Variants in GPATCH8 observed in about 807,000 individuals in gnomAD.
GPATCH8 encodes G patch domain-containing protein 8.
A neutral mutation model predicts 118.3 loss-of-function variants in GPATCH8; 18 were observed. The ratio of observed to expected loss-of-function variants is 0.15; its 90% CI spans 0.11 to 0.23. GPATCH8 has a LOEUF of 0.23. GPATCH8 is among the 10% of genes least tolerant of loss of function. The pLI is 1.00. For synonymous variants in GPATCH8, 659 were observed against 684.7 expected (o/e 0.96, Z 0.59); for missense variants, 1,631 against 1,873.8 (o/e 0.87, Z 2.39).
intron 1 of GPATCH8, among the ~76,000 whole-genome samples, chr17:44,485,178 T>C (rs2144434834): frequency 6.6e-6 from 1 of 151,650 alleles, no homozygotes; most frequent in Non-Finnish European, 1.5e-5. Flanking sequence ...TGACACAATC[T>C]TGGCTCACCG....
chr17:44,461,009 T>C (rs1315773319), intron 3 of GPATCH8, among the ~76,000 whole-genome samples: 2 of 152,164 alleles, frequency 1.3e-5, no homozygotes, highest in East Asian at 1.9e-4. Flanking sequence ...TTCTTAATGT[T>C]GGAAACAGAA....
At chr17:44,479,965 C>CAA (rs200988896) in intron 1 of GPATCH8, among the ~76,000 whole-genome samples, 2 of 135,128 alleles carry the variant, frequency 1.5e-5, no homozygotes, top group African/African-American at 2.9e-5. Flanking sequence ...GACTCCGTCT[C>CAA]AAAAAAAAAA....
intron 7 of GPATCH8, among the ~76,000 whole-genome samples, chr17:44,403,779 T>C (rs1026404871): frequency 6.6e-6 from 1 of 151,912 alleles, no homozygotes; most frequent in Non-Finnish European, 1.5e-5. Flanking sequence ...CTGCAACCTC[T>C]GCCTCCTGGG....
chr17:44,461,775 C>T (rs2051560305), intron 3 of GPATCH8, among the ~76,000 whole-genome samples: 1 of 151,970 alleles, frequency 6.6e-6, no homozygotes, highest in African/African-American at 2.4e-5. Context: ...GTCACTGCAG[C>T]CTCAACCTTC....
chr17:44,436,989 A>ATT (rs1375033784), intron 3 of GPATCH8, among the ~76,000 whole-genome samples: 1 of 152,192 alleles, frequency 6.6e-6, no homozygotes, highest in African/African-American at 2.4e-5. Context: ...GAAAAAGTAC[A>ATT]TTTTTAAACA....
intron 5 of GPATCH8, among the ~76,000 whole-genome samples, chr17:44,429,690 C>CACACACACACACACAA (rs2050229773): frequency 1.3e-5 from 1 of 75,150 alleles, no homozygotes; most frequent in Non-Finnish European, 3.6e-5. Context: ...ACACACAAAA[C>CACACACACACACACAA]AACAAACAAA....
intron 6 of GPATCH8, among the ~76,000 whole-genome samples, chr17:44,406,887 T>C (rs1008086768): frequency 2.6e-5 from 4 of 152,230 alleles, no homozygotes; most frequent in African/African-American, 9.6e-5. Context: ...AACAGTGTTA[T>C]GACACACTGG....
intron 1 of GPATCH8, among the ~76,000 whole-genome samples, chr17:44,481,590 G>A (rs563582197): frequency 6.6e-6 from 1 of 152,270 alleles, no homozygotes; most frequent in Non-Finnish European, 1.5e-5. Flanking sequence ...GATGCGTTTT[G>A]TCAATACTCA....
intron 1 of GPATCH8, 68 bp from the exon 2 acceptor site, chr17:44,474,971 AAACT>A (rs1482645035): frequency 3.9e-6 from 3 of 771,848 alleles, no homozygotes; most frequent in Non-Finnish European, 7.0e-6. Context: ...CAGCTTAACC[AAACT>A]AAGGATTATT....
At chr17:44,422,374 G>C (rs554262536) in intron 6 of GPATCH8, among the ~76,000 whole-genome samples, 204 of 151,988 alleles carry the variant, frequency 1.3e-3, no homozygotes, top group African/African-American at 4.5e-3. Context: ...AGCTTAGATT[G>C]GGGGGCAGGT....
chr17:44,436,607 A>G (rs2050523363), intron 3 of GPATCH8, 62 bp from the exon 4 acceptor site: 1 of 847,756 alleles, frequency 1.2e-6, no homozygotes, highest in South Asian at 1.3e-5. Context: ...CATTTTACAC[A>G]TTGGGTTTTG....
intron 2 of GPATCH8, chr17:44,465,081 A>T (rs2051708688): frequency 7.9e-6 from 1 of 126,856 alleles, no homozygotes; most frequent in African/African-American, 3.0e-5. Context: ...GCTAGACTTG[A>T]TTGGTTTAAA....
At chr17:44,500,479 T>C (rs1969975197) in intron 1 of GPATCH8, among the ~76,000 whole-genome samples, 1 of 152,210 alleles carries the variant, frequency 6.6e-6, no homozygotes, top group Admixed American at 6.5e-5. Flanking sequence ...CATACCACTG[T>C]TAACTATAAC....
intron 6 of GPATCH8, among the ~76,000 whole-genome samples, chr17:44,407,678 A>C (rs1281612606): frequency 7.4e-6 from 1 of 134,242 alleles, no homozygotes; most frequent in East Asian, 2.2e-4. Context: ...TTTTTTTGAG[A>C]TGGAGTCTCA....
At position 44,397,644 on chromosome 17, in the gene GPATCH8, G is replaced by A; in HGVS notation, c.4433C>T (p.Ala1478Val). 6.2e-7 allele frequency: 1 copy of A among 1,613,702 alleles called. No homozygotes were observed. The highest frequency in any genetic ancestry group is 8.5e-7 in the Non-Finnish European group (1 of 1,179,668). Residue 1478 changes from alanine (A) to valine (V), a missense_variant, in exon 8 of 8, where the codon GCA (alanine) becomes GTA (valine). Physicochemically the swap from Ala to Val is moderately conservative, Grantham distance 64. Transcript: ENST00000591680. The stretch of plus-strand genomic sequence containing the variant: ...GTGAAGTAGTGGGTGAAGGTGAAGT[G>A]CAGTGGCAGCTGCTGCAGCAGGCCG... Reference protein sequence around the residue: ...APRPAAAAATALHLHPLLHPI... With the variant: ...APRPAAAAATVLHLHPLLHPI...
chr17:44,449,471 G>A (rs941489253), intron 3 of GPATCH8, among the ~76,000 whole-genome samples: 2 of 151,310 alleles, frequency 1.3e-5, no homozygotes, highest in African/African-American at 4.9e-5. Flanking sequence ...CCAAAGTGCT[G>A]GGGTTACAGG....
rs997360994 is a variant in GPATCH8 at position 44,452,774 on chromosome 17, C to T, written c.193+11698G>A. Among the ~76,000 whole-genome samples, 4 of 151,844 alleles carry T rather than the reference C, an allele frequency of 2.6e-5. No individual in the cohort carries two copies. In the South Asian group the frequency reaches 6.2e-4, roughly 24 times the overall value. ...GCCCTATCATTAAAACATTTTGGAA[C>T]CCTAAAAATAAATTTCTCAACTGTA... On this transcript the variant is annotated intron_variant, in intron 3 of 7. Transcript: ENST00000591680.
chr17:44,441,880 T>A (rs990068104), intron 3 of GPATCH8, among the ~76,000 whole-genome samples: 2 of 150,664 alleles, frequency 1.3e-5, no homozygotes, highest in African/African-American at 4.9e-5. Context: ...AATACAAAAT[T>A]AGCTGGGCAT....
intron 2 of GPATCH8, among the ~76,000 whole-genome samples, chr17:44,470,077 G>C (rs921342031): frequency 3.3e-5 from 5 of 152,214 alleles, no homozygotes; most frequent in Admixed American, 3.3e-4. Context: ...ATTTTAATCA[G>C]TCAGGTAGAG....
Sources: gnomAD v4.1 joint callset for allele counts (sites outside exome capture counted in the v4.1 genomes callset) on GRCh38, gnomAD v4.1.1 for gene constraint, MANE v1.5 for transcripts, NCBI Gene and HGNC (gene_info 2026-07-23, HGNC 2026-07-21) for gene names.